TECRL: variants seen among roughly 807,000 people sequenced by gnomAD.
The protein encoded by TECRL is trans-2,3-enoyl-CoA reductase-like.
A neutral mutation model predicts 52.8 loss-of-function variants in TECRL; 63 were observed. The ratio of observed to expected loss-of-function variants is 1.19; its 90% CI spans 0.97 to 1.47. The LOEUF (loss-of-function observed/expected upper bound fraction) is 1.47. Ranked by LOEUF, TECRL falls within the 40% of genes most tolerant of loss-of-function variation. TECRL has a pLI of 0.00. For missense variants in TECRL, 482 were observed against 429.6 expected (o/e 1.12, Z -1.08); for synonymous variants, 164 against 141.9 (o/e 1.16, Z -1.10).
chr4:64,328,468 G>A lies in TECRL; in HGVS notation c.331+44C>T, dbSNP rs200814620. 99 of 1,532,114 alleles carry A rather than the reference G, an allele frequency of 6.5e-5. No homozygotes were observed. In the African/African-American group the frequency reaches 1.2e-3, roughly 19 times the overall value. 94.9% of individuals were successfully genotyped at this position (1,532,114 alleles called of 1,614,324 possible). On this transcript the variant is annotated intron_variant, in intron 3 of 11. Coordinates refer to ENST00000381210, the MANE Select transcript of TECRL (RefSeq NM_001010874.5). Reference sequence around the variant, plus strand: ...ATGTCAGCTTTTGAAAATAGAAAAGGGATTATAAATTAAATAAACACATCA... The same window carrying A: ...ATGTCAGCTTTTGAAAATAGAAAAGAGATTATAAATTAAATAAACACATCA...
intron 1 of TECRL, among the ~76,000 whole-genome samples, chr4:64,379,210 T>G (rs1459005620): frequency 6.7e-6 from 1 of 149,012 alleles, no homozygotes. Context: ...CCTAAAACAT[T>G]ACTGGTCTTT....
chr4:64,309,825 C>G lies in TECRL; in HGVS notation c.657+1G>C. The G allele has an allele frequency of 6.3e-7, 1 of 1,574,898 alleles. No individual in the cohort carries two copies. The highest frequency in any genetic ancestry group is 8.7e-7 in the Non-Finnish European group (1 of 1,145,926). ...TTATTAAAAACACAAAGCATCCTCA[C>G]CATTATCAAATTTTTCAAAGGTGTG... On this transcript the variant is annotated splice_donor_variant, in intron 6 of 11. Coordinates refer to ENST00000381210, the MANE Select transcript of TECRL (RefSeq NM_001010874.5). LOFTEE classifies it high-confidence loss of function.
intron 1 of TECRL, among the ~76,000 whole-genome samples, chr4:64,393,694 CTAATA>C (rs1383942703): frequency 6.6e-6 from 1 of 151,410 alleles, no homozygotes; most frequent in Admixed American, 6.6e-5. Flanking sequence ...TATAATGAAT[CTAATA>C]TATTTATTGT....
chr4:64,349,081 C>A (rs1720194926), intron 2 of TECRL, among the ~76,000 whole-genome samples: 1 of 136,094 alleles, frequency 7.3e-6, no homozygotes, highest in Non-Finnish European at 1.6e-5. Flanking sequence ...AAAAAAAAAC[C>A]TAAAATTTTC....
chr4:64,379,961 C>A (rs1601075), intron 1 of TECRL, among the ~76,000 whole-genome samples: 1 of 151,964 alleles, frequency 6.6e-6, no homozygotes, highest in Admixed American at 6.6e-5. Flanking sequence ...TTTTTGTTTT[C>A]TGAGACACTC....
chr4:64,289,793 G>A (rs775667086), intron 8 of TECRL, 26 bp from the exon 9 acceptor site: 7 of 1,481,432 alleles, frequency 4.7e-6, no homozygotes, highest in South Asian at 4.1e-5. Flanking sequence ...AACACTTTCA[G>A]TGTGATACAC....
In TECRL at chr4:64,310,915, A is replaced by G. The variant is rs544044725; in HGVS notation, c.552-984T>C. 2.6e-5 allele frequency among the ~76,000 whole-genome samples: 4 copies of G among 152,152 alleles called. No homozygotes were observed. The East Asian group carries it at 5.8e-4, about 22-fold the overall frequency. On this transcript the variant is annotated intron_variant, in intron 5 of 11. Coordinates refer to ENST00000381210, the MANE Select transcript of TECRL (RefSeq NM_001010874.5). The stretch of plus-strand genomic sequence containing the variant: ...TTTGTATTTTTTGTAGAAATGGGTT[A>G]AACCTTGTTGCCCAGGCTAGTCTCA...
At chr4:64,277,276 T>C (rs1722605107), downstream of TECRL, among the ~76,000 whole-genome samples, 1 of 151,894 alleles carries the variant, frequency 6.6e-6, no homozygotes, top group African/African-American at 2.4e-5. Context: ...GCAAACTTCC[T>C]AGGTTACTAT....
chr4:64,380,663 T>A (rs563956781), intron 1 of TECRL, among the ~76,000 whole-genome samples: 1 of 152,198 alleles, frequency 6.6e-6, no homozygotes, highest in African/African-American at 2.4e-5. Flanking sequence ...GAAGTTGTCT[T>A]TTCTTCAATG....
At chr4:64,376,079 G>T (rs537397981) in intron 1 of TECRL, among the ~76,000 whole-genome samples, 1 of 151,762 alleles carries the variant, frequency 6.6e-6, no homozygotes, top group East Asian at 1.9e-4. Flanking sequence ...TTTTGAAAGG[G>T]TTAAATAAAA....
intron 4 of TECRL, among the ~76,000 whole-genome samples, chr4:64,316,876 A>C (rs575818261): frequency 6.6e-6 from 1 of 152,206 alleles, no homozygotes; most frequent in Non-Finnish European, 1.5e-5. Context: ...TATTAAACTA[A>C]TCTTCTGTTT....
intron 2 of TECRL, among the ~76,000 whole-genome samples, chr4:64,367,443 A>G (rs1227499136): frequency 1.3e-5 from 2 of 152,174 alleles, no homozygotes; most frequent in African/African-American, 2.4e-5. Flanking sequence ...GCAATCATTA[A>G]TACATTCCAG....
rs1260064626 is a variant in TECRL, at chr4:64,307,214, C to T, written c.658-1976G>A. ...TGCTTTTTAAAGATTTAAGGACACCCCCCCTTCATTAATGTTTCTTGCCCC... is the reference window on the plus strand; with the variant it reads ...TGCTTTTTAAAGATTTAAGGACACCTCCCCTTCATTAATGTTTCTTGCCCC... On this transcript the variant is annotated intron_variant, in intron 6 of 11. Coordinates refer to ENST00000381210, the MANE Select transcript of TECRL (RefSeq NM_001010874.5). Among the ~76,000 whole-genome samples, 5 of 152,110 alleles carry T rather than the reference C, an allele frequency of 3.3e-5. No homozygotes were observed. In the East Asian group the frequency reaches 9.7e-4, roughly 29 times the overall value.
chr4:64,399,019 G>A (rs1025854940), intron 1 of TECRL, among the ~76,000 whole-genome samples: 2 of 152,124 alleles, frequency 1.3e-5, no homozygotes, highest in African/African-American at 2.4e-5. Flanking sequence ...GCAAGCGTGT[G>A]TAGCCTGCCT....
intron 1 of TECRL, among the ~76,000 whole-genome samples, chr4:64,398,289 T>G (rs1307095119): frequency 2.0e-5 from 3 of 152,164 alleles, no homozygotes; most frequent in Non-Finnish European, 4.4e-5. Context: ...GTTTGGATGT[T>G]GTCCCTGCTC....
intron 8 of TECRL, among the ~76,000 whole-genome samples, chr4:64,290,424 A>G (rs147189448): frequency 1.5e-3 from 222 of 152,216 alleles, no homozygotes; most frequent in Middle Eastern, 3.4e-3. Context: ...TGTCATATAT[A>G]CCTCATCTGA....
chr4:64,380,275 A>G (rs888137576), intron 1 of TECRL, among the ~76,000 whole-genome samples: 4 of 151,948 alleles, frequency 2.6e-5, no homozygotes, highest in Non-Finnish European at 5.9e-5. Flanking sequence ...GCTTCTGGGA[A>G]TTGAGGTATT....
chr4:64,305,029 T>C (rs1724246251), intron 7 of TECRL, 137 bp downstream of exon 7: 9 of 598,758 alleles, frequency 1.5e-5, no homozygotes, highest in Non-Finnish European at 2.5e-5. Context: ...TACATAAACA[T>C]TTAAAGAAAT....
chr4:64,320,087 G>A (rs1225821910), intron 4 of TECRL, among the ~76,000 whole-genome samples: 1 of 151,716 alleles, frequency 6.6e-6, no homozygotes, highest in African/African-American at 2.4e-5. Context: ...ATACATACAT[G>A]AATTAATACA....
Sources: gnomAD v4.1 joint callset for allele counts (sites outside exome capture counted in the v4.1 genomes callset) on GRCh38, gnomAD v4.1.1 for gene constraint, MANE v1.5 for transcripts, NCBI Gene and HGNC (gene_info 2026-07-23, HGNC 2026-07-21) for gene names.